DENND1B: variants seen among roughly 807,000 people sequenced by gnomAD.
The protein encoded by DENND1B is DENN domain-containing protein 1B.
Under a neutral mutation model 90.1 loss-of-function variants are expected in DENND1B, and 59 were observed. The ratio of observed to expected loss-of-function variants is 0.65; its 90% confidence interval spans 0.53 to 0.81. DENND1B has a LOEUF of 0.81. Ranked by LOEUF, DENND1B falls within the 40% of genes least tolerant of loss-of-function variation. The pLI, the probability that DENND1B is intolerant of heterozygous loss-of-function variation, is 0.00. For synonymous variants in DENND1B, 337 were observed against 324.6 expected, an observed-to-expected ratio of 1.04 and a Z score of -0.41; for missense variants, 862 against 912.6, an observed-to-expected ratio of 0.94 and a Z score of 0.71.
chr1:197,527,436 C>T (rs930195872), intron 20 of DENND1B, among the ~76,000 whole-genome samples: 1 of 151,840 alleles, frequency 6.6e-6, no homozygotes, highest in Non-Finnish European at 1.5e-5. Context: ...GCATGCATCA[C>T]TATGCCTGGC....
At chr1:197,769,308 A>G (rs890199640) in intron 2 of DENND1B, among the ~76,000 whole-genome samples, 1 of 152,180 alleles carries the variant, frequency 6.6e-6, no homozygotes, top group Admixed American at 6.5e-5. Flanking sequence ...TACCCCACCA[A>G]TGATAATTTC....
At chr1:197,625,401 A>C (rs1678590832) in intron 10 of DENND1B, among the ~76,000 whole-genome samples, 2 of 152,172 alleles carry the variant, frequency 1.3e-5, no homozygotes, top group African/African-American at 4.8e-5. Flanking sequence ...AGAATTTCAT[A>C]TCCAGCCAAA....
intron 10 of DENND1B, among the ~76,000 whole-genome samples, chr1:197,636,052 G>A (rs994589479): frequency 5.3e-5 from 8 of 151,526 alleles, no homozygotes; most frequent in Non-Finnish European, 1.0e-4. Flanking sequence ...ATAAGTAATC[G>A]AAAAACTCAG....
chr1:197,540,034 A>G lies in DENND1B; in HGVS notation c.1445T>C (p.Val482Ala), dbSNP rs776186846. 2 of 1,613,312 alleles carry G rather than the reference A, an allele frequency of 1.2e-6. No individual in the cohort carries two copies. ...TAATTTGTAAACTGGTGTATATTGT[A>G]CAGAACTAGAACAGGTCCCATAATC... ...EEDYGTCSSS[V>A]QYTPVYKLHN... Residue 482 changes from valine (V) to alanine (A), a missense_variant, in exon 20 of 23, where the codon GTA becomes GCA. Coordinates refer to ENST00000620048, the MANE Select transcript of DENND1B (RefSeq NM_001195215.2).
At chr1:197,776,357 A>T (rs538466868), upstream of DENND1B, among the ~76,000 whole-genome samples, 1 of 152,284 alleles carries the variant, frequency 6.6e-6, no homozygotes, top group Non-Finnish European at 1.5e-5. Flanking sequence ...TCTACCTCAT[A>T]TTGCCTGTCT....
rs372665106 is a variant in DENND1B at position 197,741,945 on chromosome 1, A to C, written c.83-26871T>G. Among the ~76,000 whole-genome samples the C allele has an allele frequency of 3.9e-5, 6 of 152,278 alleles. No homozygotes were observed. The East Asian group carries it at 1.2e-3, about 29-fold the overall frequency. The stretch of plus-strand genomic sequence containing the variant: ...TCACTGAGCTTTAATTTGCTCAATA[A>C]AATGAGGATAGCTACTGAACCTAAC... On this transcript the variant is annotated intron_variant, in intron 2 of 22. Transcript: ENST00000620048.
chr1:197,565,888 A>G (rs1275070195), intron 15 of DENND1B, among the ~76,000 whole-genome samples: 5 of 145,008 alleles, frequency 3.4e-5, no homozygotes, highest in African/African-American at 1.3e-4. Context: ...CCAGTCTATC[A>G]TTGTTGGACA....
chr1:197,745,616 T>TTTTTTA (rs1320132394), intron 2 of DENND1B, among the ~76,000 whole-genome samples: 1 of 71,818 alleles, frequency 1.4e-5, no homozygotes, highest in East Asian at 3.3e-4. Context: ...CATATATATA[T>TTTTTTA]TATATATATA....
chr1:197,734,311 T>G (rs1662430382), intron 2 of DENND1B: 22 of 950,110 alleles, frequency 2.3e-5, no homozygotes, highest in Non-Finnish European at 2.8e-5. Context: ...AAATTTAAAT[T>G]CAGTCATATG....
intron 15 of DENND1B, among the ~76,000 whole-genome samples, chr1:197,568,920 A>T (rs1334940893): frequency 6.6e-6 from 1 of 152,138 alleles, no homozygotes; most frequent in African/African-American, 2.4e-5. Flanking sequence ...TTGGATCATG[A>T]CTTCAAAAGC....
intron 15 of DENND1B, among the ~76,000 whole-genome samples, chr1:197,573,778 G>A (rs972771258): frequency 5.3e-5 from 8 of 152,170 alleles, no homozygotes; most frequent in Non-Finnish European, 1.2e-4. Context: ...TCATCCCTGG[G>A]ATGCAGGGCT....
intron 3 of DENND1B, among the ~76,000 whole-genome samples, chr1:197,707,727 A>G (rs1156340607): frequency 6.7e-6 from 1 of 148,738 alleles, no homozygotes; most frequent in East Asian, 1.9e-4. Context: ...GGGAGGAGCC[A>G]AGATGGCCGA....
At chr1:197,612,194 TA>T (rs1488343192) in intron 11 of DENND1B, among the ~76,000 whole-genome samples, 1 of 150,646 alleles carries the variant, frequency 6.6e-6, no homozygotes, top group African/African-American at 2.4e-5. Flanking sequence ...ATAAACATCA[TA>T]AAATCATTTA....
chr1:197,518,150 C>A (rs1385232409), intron 20 of DENND1B, among the ~76,000 whole-genome samples: 2 of 151,766 alleles, frequency 1.3e-5, no homozygotes, highest in African/African-American at 4.8e-5. Flanking sequence ...AGGAAAACTG[C>A]AAAAGACTCT....
intron 12 of DENND1B, among the ~76,000 whole-genome samples, chr1:197,610,776 T>A (rs1677113991): frequency 1.3e-5 from 2 of 150,838 alleles, no homozygotes; most frequent in South Asian, 4.1e-4. Flanking sequence ...TAAGAATAAG[T>A]TTTCTAGAAA....
rs140510217 is a variant in DENND1B, at chr1:197,565,096, T to C, written c.1150-11984A>G. Among the ~76,000 whole-genome samples the C allele has an allele frequency of 2.7e-3, 417 of 152,150 alleles. 2 individuals are homozygous for C. Among genetic ancestry groups the C allele is most frequent in the African/African-American group, 9.8e-3 (407 of 41,540 alleles). ...AATCTTTCTTAACACTCCAAAACTG[T>C]TGAATCTTCATTTACTAGTAATACA... On this transcript the variant is annotated intron_variant, in intron 15 of 22. Transcript: ENST00000620048.
chr1:197,617,415 T>C (rs987802844), intron 11 of DENND1B, among the ~76,000 whole-genome samples: 14 of 151,228 alleles, frequency 9.3e-5, no homozygotes, highest in African/African-American at 2.9e-4. Flanking sequence ...TTGCATTGAG[T>C]TATCTAAATG....
At chr1:197,534,695 A>G (rs1022087840) in intron 20 of DENND1B, among the ~76,000 whole-genome samples, 15 of 152,304 alleles carry the variant, frequency 9.8e-5, no homozygotes, top group East Asian at 9.6e-4. Context: ...TCTTTGTAAG[A>G]TATTAAAGTA....
intron 2 of DENND1B, among the ~76,000 whole-genome samples, chr1:197,770,307 A>G (rs1656260472): frequency 6.6e-6 from 1 of 152,128 alleles, no homozygotes; most frequent in Non-Finnish European, 1.5e-5. Context: ...AGATGTTTCT[A>G]AAAAGTAGTG....
Sources: gnomAD v4.1 joint callset for allele counts (sites outside exome capture counted in the v4.1 genomes callset) on GRCh38, gnomAD v4.1.1 for gene constraint, MANE v1.5 for transcripts, NCBI Gene and HGNC (gene_info 2026-07-23, HGNC 2026-07-21) for gene names.